Variants in THUMPD2 observed in about 807,000 individuals in gnomAD.
The protein encoded by THUMPD2 is THUMP domain 2 tRNA and snRNA guanosine methyltransferase.
THUMPD2 carries 56 observed loss-of-function variants against 49.4 expected under a neutral mutation model. The observed-to-expected ratio is 1.13, with a 90% CI of 0.91 to 1.41. The LOEUF (loss-of-function observed/expected upper bound fraction) is 1.41. Ranked by LOEUF, THUMPD2 falls within the 40% of genes most tolerant of loss-of-function variation. The pLI, the probability that THUMPD2 is intolerant of heterozygous loss-of-function variation, is 0.00. For synonymous variants in THUMPD2, 237 were observed against 205.2 expected, an observed-to-expected ratio of 1.15 and a Z score of -1.32; for missense variants, 709 against 594.5, an observed-to-expected ratio of 1.19 and a Z score of -2.00.
At chr2:39,764,256 CAGGAAA>C (rs1337638403) in intron 5 of THUMPD2, among the ~76,000 whole-genome samples, 2 of 152,160 alleles carry the variant, frequency 1.3e-5, no homozygotes, top group African/African-American at 2.4e-5. Flanking sequence ...CTAGAAACAG[CAGGAAA>C]GATTTTCACG....
At chr2:39,755,535 C>T (rs1407638171) in intron 7 of THUMPD2, 126 bp from the exon 8 acceptor site, 6 of 630,682 alleles carry the variant, frequency 9.5e-6, no homozygotes, top group Non-Finnish European at 1.6e-5. Context: ...GGTCAAAACA[C>T]ATTTAGGGTA....
chr2:39,773,183 C>T (rs1678566822), intron 1 of THUMPD2, among the ~76,000 whole-genome samples: 1 of 152,126 alleles, frequency 6.6e-6, no homozygotes, highest in Admixed American at 6.5e-5. Context: ...CTTCAAAATG[C>T]TTAGAAACTT....
At chr2:39,768,725 T>C (rs1572864647) in intron 3 of THUMPD2, 2 of 672,418 alleles carry the variant, frequency 3.0e-6, no homozygotes, top group East Asian at 6.0e-5. Flanking sequence ...CATTAATGTC[T>C]ACTCATGCAT....
intron 9 of THUMPD2, among the ~76,000 whole-genome samples, chr2:39,741,309 C>A (rs1173944673): frequency 6.6e-6 from 1 of 152,184 alleles, no homozygotes; most frequent in African/African-American, 2.4e-5. Flanking sequence ...TTGCTCCAGG[C>A]AGTCTGGTAT....
chr2:39,757,415 C>T (rs1356562832), intron 6 of THUMPD2: 1 of 1,302,742 alleles, frequency 7.7e-7, no homozygotes. Context: ...AAGCCTTCCC[C>T]TGGTACTAAA....
At chr2:39,740,021 T>C (rs1673692740) in intron 9 of THUMPD2, among the ~76,000 whole-genome samples, 1 of 152,234 alleles carries the variant, frequency 6.6e-6, no homozygotes, top group South Asian at 2.1e-4. Context: ...ATATAGCTAA[T>C]ATTTATTGAG....
At chr2:39,767,107 A>G (rs938674903) in intron 4 of THUMPD2, among the ~76,000 whole-genome samples, 11 of 152,142 alleles carry the variant, frequency 7.2e-5, no homozygotes, top group Non-Finnish European at 1.3e-4. Flanking sequence ...TTAGTCACAA[A>G]TTTTACTACG....
chr2:39,761,748 T>A (rs1319779115), intron 5 of THUMPD2, among the ~76,000 whole-genome samples: 2 of 152,186 alleles, frequency 1.3e-5, no homozygotes, highest in Non-Finnish European at 2.9e-5. Flanking sequence ...TAGACCTTTT[T>A]TTGCTATTTG....
chr2:39,777,933 G>C (rs1300194119), intron 1 of THUMPD2, among the ~76,000 whole-genome samples: 1 of 152,026 alleles, frequency 6.6e-6, no homozygotes, highest in Non-Finnish European at 1.5e-5. Flanking sequence ...AGCACTCTAA[G>C]TTAGCATTTA....
chr2:39,764,431 C>T (rs1210306800), intron 5 of THUMPD2, among the ~76,000 whole-genome samples: 4 of 152,182 alleles, frequency 2.6e-5, no homozygotes, highest in African/African-American at 4.8e-5. Flanking sequence ...ATCTGCTATG[C>T]TATACTGTAG....
At chr2:39,769,110 C>T (rs1394547130) in intron 3 of THUMPD2, 3 of 1,303,022 alleles carry the variant, frequency 2.3e-6, no homozygotes, top group East Asian at 5.6e-5. Flanking sequence ...AGAGTAGCCA[C>T]TGAATAAGCA....
chr2:39,772,786 A>T (rs2148345234), intron 1 of THUMPD2, among the ~76,000 whole-genome samples: 1 of 152,290 alleles, frequency 6.6e-6, no homozygotes, highest in East Asian at 1.9e-4. Context: ...ACACCAGGGA[A>T]TGTGGGGTTT....
At position 39,738,910 on chromosome 2, in the gene THUMPD2, C is replaced by A. The variant is rs928180903; in HGVS notation, c.1188-1851G>T. ...AGCTGTACAGGAAAAGAAACAGTGG[C>A]AGCTAAAGGACCAAGAGTTAAGGGG... On this transcript the variant is annotated intron_variant, in intron 9 of 9. Transcript: ENST00000505747. 2.0e-5 allele frequency among the ~76,000 whole-genome samples: 3 copies of A among 152,096 alleles called. No individual in the cohort carries two copies. In the East Asian group the frequency reaches 5.8e-4, roughly 29 times the overall value.
At chr2:39,751,952 G>A (rs1489763660) in intron 8 of THUMPD2, among the ~76,000 whole-genome samples, 1 of 152,040 alleles carries the variant, frequency 6.6e-6, no homozygotes, top group African/African-American at 2.4e-5. Flanking sequence ...CTTCCAAAGT[G>A]CTGGGATTAT....
In THUMPD2 at chr2:39,767,603, C is replaced by CAAAAAAAAAAAAA. The variant is rs57906396; in HGVS notation, c.750+808_750+820dup. On this transcript the variant is annotated intron_variant, in intron 4 of 9. Transcript: ENST00000505747. Reference sequence around the variant, plus strand: ...TGGGCGACAGAGCGAGACTCCGTCTCAAAAAAAAAAAAAAAAAAAGAATTG... The same window carrying CAAAAAAAAAAAAA: ...TGGGCGACAGAGCGAGACTCCGTCTCAAAAAAAAAAAAAAAAAAAAAAAAAAAAAAAAGAATTG... 1.2e-3 allele frequency among the ~76,000 whole-genome samples: 78 copies of CAAAAAAAAAAAAA among 67,772 alleles called. 3 individuals are homozygous for CAAAAAAAAAAAAA. The highest frequency in any genetic ancestry group is 5.4e-3 in the African/African-American group (70 of 12,916). 44.5% of individuals were successfully genotyped at this position (67,772 alleles called of 152,430 possible). A position where few individuals can be genotyped will look rare whatever the true frequency, so the allele number is the denominator to read the frequency against.
Position 39,757,103 on chromosome 2 carries a change from G to T in THUMPD2, c.892-1143C>A, listed in dbSNP as rs147714368. The T allele has an allele frequency of 1.0e-3, 298 of 295,748 alleles. 4 individuals carry two copies. The highest frequency in any genetic ancestry group is 8.6e-3 in the South Asian group (289 of 33,648). The allele number at this position is 295,748 out of a possible 1,614,324, so 18.3% of individuals were successfully genotyped here. A position where few individuals can be genotyped will look rare whatever the true frequency, so the allele number is the denominator to read the frequency against. ...GACCAAAGAATCATGACGGGATAAT[G>T]GTCTGTACTCTTACAGGAATGAGAG... On this transcript the variant is annotated intron_variant, in intron 6 of 9. Coordinates refer to ENST00000505747, the MANE Select transcript of THUMPD2 (RefSeq NM_025264.5).
intron 5 of THUMPD2, among the ~76,000 whole-genome samples, chr2:39,765,763 A>AT (rs1253420921): frequency 2.0e-4 from 31 of 152,264 alleles, no homozygotes; most frequent in Admixed American, 5.9e-4. Context: ...CCTTTTAGGT[A>AT]TAGGTATAGG....
intron 5 of THUMPD2, among the ~76,000 whole-genome samples, chr2:39,764,317 A>T (rs973109571): frequency 6.6e-6 from 1 of 152,232 alleles, no homozygotes; most frequent in South Asian, 2.1e-4. Context: ...TAAAGTAGGT[A>T]CTATTATTTT....
At chr2:39,752,870 G>A (rs1245577052) in intron 8 of THUMPD2, among the ~76,000 whole-genome samples, 7 of 152,074 alleles carry the variant, frequency 4.6e-5, no homozygotes, top group African/African-American at 7.2e-5. Context: ...GTCCACTACC[G>A]GTTTGGTGTG....
Sources: gnomAD v4.1 joint callset for allele counts (sites outside exome capture counted in the v4.1 genomes callset) on GRCh38, gnomAD v4.1.1 for gene constraint, MANE v1.5 for transcripts, NCBI Gene and HGNC (gene_info 2026-07-23, HGNC 2026-07-21) for gene names.